HIP1R: variants seen among roughly 807,000 people sequenced by gnomAD.
HIP1R encodes the protein huntingtin-interacting protein 1-related protein.
HIP1R carries 135 observed loss-of-function variants against 144.2 expected under a neutral mutation model. That is an observed-to-expected ratio of 0.94 (90% CI 0.81 to 1.08). The LOEUF is 1.08. Among genes scored for constraint, HIP1R ranks in the 50% least tolerant of loss-of-function variants. The pLI, the probability that HIP1R is intolerant of heterozygous loss-of-function variation, is 0.00. For missense variants in HIP1R, 1,462 were observed against 1,432.8 expected (o/e 1.02, Z -0.33); for synonymous variants, 698 against 612.8 (o/e 1.14, Z -2.05).
rs867653929 is a variant in HIP1R, at chr12:122,858,199, C to A, written c.1913C>A (p.Ala638Asp). 6.2e-7 allele frequency: 1 copy of A among 1,607,730 alleles called. No individual in the cohort carries two copies. Among genetic ancestry groups the A allele is most frequent in the Admixed American group, 1.7e-5 (1 of 59,774 alleles). ...GAGGCCGCGGGCATCCTGCAGGATG[C>A]CGTGAGCAAGCTGGACGACCCCCTG... ...AAEAAGILQDAVSKLDDPLHL... is the reference protein window; with the variant it reads ...AAEAAGILQDDVSKLDDPLHL... The change falls in exon 19 of 32, where the codon GCC becomes GAC. Residue 638 changes from alanine to aspartate, a missense_variant. By Grantham distance (126) the Ala-to-Asp change is moderately radical (BLOSUM62 -2). Coordinates refer to ENST00000253083, the MANE Select transcript of HIP1R (RefSeq NM_003959.3).
chr12:122,861,681 G>T, intron 31 of HIP1R, 25 bp from the exon 32 acceptor site: 1 of 1,613,636 alleles, frequency 6.2e-7, no homozygotes, highest in Non-Finnish European at 8.5e-7. Flanking sequence ...TGTGACCACT[G>T]ACCCCCCACC....
chr12:122,850,754 G>C lies in HIP1R; in HGVS notation c.439-81G>C, dbSNP rs377187647. On this transcript the variant is annotated intron_variant, in intron 5 of 31. Transcript: ENST00000253083. ...GGCCCTGGTTCAGTGGCCGCTGGGTGGGGGGGAGCCCTGGTTCGGTGGCCG... is the reference window on the plus strand; with the variant it reads ...GGCCCTGGTTCAGTGGCCGCTGGGTCGGGGGGAGCCCTGGTTCGGTGGCCG... The C allele has an allele frequency of 4.0e-5, 36 of 897,254 alleles. 1 individual carries two copies. Among genetic ancestry groups the C allele is most frequent in the East Asian group, 1.8e-4 (5 of 27,460 alleles). 55.6% of individuals were successfully genotyped at this position (897,254 alleles called of 1,614,324 possible). A position where few individuals can be genotyped will look rare whatever the true frequency, so the allele number is the denominator to read the frequency against.
intron 7 of HIP1R, among the ~76,000 whole-genome samples, chr12:122,851,566 GGC>G (rs2033396013): frequency 6.6e-6 from 1 of 152,124 alleles, no homozygotes; most frequent in African/African-American, 2.4e-5. Context: ...CAGGCGTGGT[GGC>G]GCACGCCTGT....
Position 122,858,148 on chromosome 12 carries a change from T to TC in HIP1R, c.1863dup (p.Ala622ArgfsTer174). On this transcript the variant is annotated frameshift_variant, in exon 19 of 32. Transcript: ENST00000253083. LOFTEE classifies it high-confidence loss of function. ...CGGCAGAGGCTGCTGGACGAGCAGT[T>TC]CGCAGTGTTGCGGGGCGCTGCTGCC... The TC allele has an allele frequency of 6.9e-6, 11 of 1,604,164 alleles. No homozygotes were observed. Among genetic ancestry groups the TC allele is most frequent in the Non-Finnish European group, 9.3e-6 (11 of 1,177,760 alleles).
chr12:122,852,869 A>C (rs776091948), intron 7 of HIP1R, among the ~76,000 whole-genome samples: 1 of 152,200 alleles, frequency 6.6e-6, no homozygotes, highest in Non-Finnish European at 1.5e-5. Context: ...TGTGTGCTGT[A>C]ATTTTTTGCA....
intron 18 of HIP1R, 151 bp downstream of exon 18, chr12:122,857,366 C>T: frequency 1.3e-6 from 1 of 759,882 alleles, no homozygotes; most frequent in Non-Finnish European, 2.2e-6. Context: ...CACTCAGCAT[C>T]ACGTTGTCAA....
Position 122,835,579 on chromosome 12 carries a change from G to T in HIP1R, c.29G>T (p.Arg10Leu). Residue 10 changes from arginine (R) to leucine (L), a missense_variant, in exon 1 of 32, where the codon CGG (arginine) becomes CTG (leucine). Coordinates refer to ENST00000253083, the MANE Select transcript of HIP1R (RefSeq NM_003959.3). Reference protein sequence around the residue: MNSIKNVPARVLSRRPGHSL... With the variant: MNSIKNVPALVLSRRPGHSL... ...AACAGCATCAAGAACGTGCCGGCGC[G>T]GGTGCTGAGCCGCAGGCCGGGCCAC... 1 of 1,354,832 alleles carries T rather than the reference G, an allele frequency of 7.4e-7. No individual in the cohort carries two copies. Among genetic ancestry groups the T allele is most frequent in the Admixed American group, 2.7e-5 (1 of 37,044 alleles). The allele number at this position is 1,354,832 out of a possible 1,614,324, so 83.9% of individuals were successfully genotyped here. A position where few individuals can be genotyped will look rare whatever the true frequency, so the allele number is the denominator to read the frequency against.
At position 122,835,654 on chromosome 12, in the gene HIP1R, G is replaced by C; in HGVS notation, c.93+11G>C. 2.2e-6 allele frequency: 2 copies of C among 918,836 alleles called. No homozygotes were observed. Among genetic ancestry groups the C allele is most frequent in the Non-Finnish European group, 2.6e-6 (2 of 780,124 alleles). 56.9% of individuals were successfully genotyped at this position (918,836 alleles called of 1,614,324 possible). A position where few individuals can be genotyped will look rare whatever the true frequency, so the allele number is the denominator to read the frequency against. ...TTCGACAAGACCCAGGCGAGCGGGC[G>C]GCGGGCGGCGGGCGGCGGGCGGCGG... On this transcript the variant is annotated intron_variant, in intron 1 of 31. Coordinates refer to ENST00000253083, the MANE Select transcript of HIP1R (RefSeq NM_003959.3).
rs865783173 is a variant in HIP1R at position 122,857,369 on chromosome 12, G to A, written c.1815+154G>A. 8 of 723,612 alleles carry A rather than the reference G, an allele frequency of 1.1e-5. No individual in the cohort carries two copies. The Middle Eastern group carries it at 7.6e-4, about 69-fold the overall frequency. The allele number at this position is 723,612 out of a possible 1,614,324, so 44.8% of individuals were successfully genotyped here. Reference sequence around the variant, plus strand: ...GTCCGGCTTCTTCACTCAGCATCACGTTGTCAAGGGTCACCACATCATAGC... The same window carrying A: ...GTCCGGCTTCTTCACTCAGCATCACATTGTCAAGGGTCACCACATCATAGC... On this transcript the variant is annotated intron_variant, in intron 18 of 31. Transcript: ENST00000253083.
intron 1 of HIP1R, among the ~76,000 whole-genome samples, chr12:122,847,667 A>G (rs1228078100): frequency 6.6e-6 from 1 of 152,174 alleles, no homozygotes; most frequent in Non-Finnish European, 1.5e-5. Context: ...GCTTTTCCCC[A>G]AGGGGAGATG....
In HIP1R at chr12:122,835,650, G is replaced by C. The variant is rs1221985416; in HGVS notation, c.93+7G>C. On this transcript the variant is annotated splice_region_variant and intron_variant, in intron 1 of 31. Coordinates refer to ENST00000253083, the MANE Select transcript of HIP1R (RefSeq NM_003959.3). ...GCAGTTCGACAAGACCCAGGCGAGC[G>C]GGCGGCGGGCGGCGGGCGGCGGGCG... The C allele has an allele frequency of 4.3e-6, 4 of 920,240 alleles. No individual in the cohort carries two copies. The highest frequency in any genetic ancestry group is 5.1e-6 in the Non-Finnish European group (4 of 781,300). The allele number at this position is 920,240 out of a possible 1,614,324, so 57.0% of individuals were successfully genotyped here. A position where few individuals can be genotyped will look rare whatever the true frequency, so the allele number is the denominator to read the frequency against.
intron 4 of HIP1R, 132 bp downstream of exon 4, chr12:122,848,984 G>A (rs2033294198): frequency 2.3e-6 from 2 of 866,430 alleles, no homozygotes; most frequent in Non-Finnish European, 1.9e-6. Flanking sequence ...CAGTGGGAGG[G>A]GCAGCACGGG....
intron 20 of HIP1R, 41 bp downstream of exon 20, chr12:122,858,476 C>A (rs1205096540): frequency 2.0e-6 from 3 of 1,488,410 alleles, no homozygotes; most frequent in Admixed American, 4.0e-5. Context: ...GGGCTGTGTC[C>A]CAGTTCCAGC....
intron 6 of HIP1R, 98 bp from the exon 7 acceptor site, chr12:122,851,138 G>A (rs1280771458): frequency 1.8e-6 from 2 of 1,103,614 alleles, no homozygotes; most frequent in Non-Finnish European, 2.6e-6. Context: ...GAGCCATGGT[G>A]TCGGCGGTGC....
At chr12:122,845,626 G>A (rs978430993) in intron 1 of HIP1R, among the ~76,000 whole-genome samples, 13 of 152,184 alleles carry the variant, frequency 8.5e-5, no homozygotes, top group Non-Finnish European at 1.3e-4. Flanking sequence ...CCTATAGGCC[G>A]ATCTGCTTCC....
In HIP1R at chr12:122,835,487, T is replaced by C; in HGVS notation, c.-64T>C. ...GGCCTCGCGGTGCCTAGGCTGGGGCTGCCGGACCGTGAGGCTGTGAGTCGC... is the reference window on the plus strand; with the variant it reads ...GGCCTCGCGGTGCCTAGGCTGGGGCCGCCGGACCGTGAGGCTGTGAGTCGC... On this transcript the variant is annotated 5_prime_UTR_variant, in exon 1 of 32. Transcript: ENST00000253083. 1 of 1,220,422 alleles carries C rather than the reference T, an allele frequency of 8.2e-7. No homozygotes were observed. The highest frequency in any genetic ancestry group is 3.8e-5 in the East Asian group (1 of 26,560). The allele number at this position is 1,220,422 out of a possible 1,614,324, so 75.6% of individuals were successfully genotyped here.
At position 122,856,124 on chromosome 12, in the gene HIP1R, G is replaced by C. The variant is rs1454423234; in HGVS notation, c.1273G>C (p.Glu425Gln). 9 of 1,589,948 alleles carry C rather than the reference G, an allele frequency of 5.7e-6. No homozygotes were observed. Among genetic ancestry groups the C allele is most frequent in the Non-Finnish European group, 6.8e-6 (8 of 1,168,642 alleles). ...GGCCCAGCTGAGGGCTGCCCAGCTGGAGGGCGAGCGGAGCCAGGGCCTGCG... is the reference window on the plus strand; with the variant it reads ...GGCCCAGCTGAGGGCTGCCCAGCTGCAGGGCGAGCGGAGCCAGGGCCTGCG... ...ELAQLRAAQL[E>Q]GERSQGLREE... The change falls in exon 14 of 32, where the codon GAG becomes CAG. Residue 425 changes from glutamate (E) to glutamine (Q), a missense_variant. Physicochemically the swap from Glu to Gln is conservative, Grantham distance 29. Coordinates refer to ENST00000253083, the MANE Select transcript of HIP1R (RefSeq NM_003959.3).
chr12:122,855,276 C>T lies in HIP1R; in HGVS notation c.864C>T (p.Asn288=). ...TGCCGCCCCTGCAGGGACCCCCTAA[C>T]TTCCTGCGGGCCTCAGCCCTGGCTG... is the stretch of plus-strand genomic sequence containing the variant. ...QIPRLPEGPP[N]FLRASALAEH... The change falls in exon 11 of 32, where the codon AAC becomes AAT. Residue 288 remains asparagine, a synonymous_variant. Coordinates refer to ENST00000253083, the MANE Select transcript of HIP1R (RefSeq NM_003959.3). 1 of 1,612,856 alleles carries T rather than the reference C, an allele frequency of 6.2e-7. No individual in the cohort carries two copies. Among genetic ancestry groups the T allele is most frequent in the Non-Finnish European group, 8.5e-7 (1 of 1,179,924 alleles).
intron 1 of HIP1R, among the ~76,000 whole-genome samples, chr12:122,841,202 G>A (rs147724112): frequency 4.0e-5 from 6 of 151,384 alleles, no homozygotes; most frequent in Non-Finnish European, 5.9e-5. Context: ...ACCCGCTGCC[G>A]TCCTCCTGCC....
Sources: allele counts gnomAD v4.1 joint callset (sites outside exome capture counted in the v4.1 genomes callset), GRCh38; gene constraint gnomAD v4.1.1; transcripts MANE v1.5; gene names NCBI Gene and HGNC (gene_info 2026-07-23, HGNC 2026-07-21).